The following TBC1D8B variants were observed in gnomAD, a reference collection of about 807,000 sequenced individuals.
The protein encoded by TBC1D8B is TBC1 domain family member 8B.
TBC1D8B carries 75 observed loss-of-function variants against 82.9 expected under a neutral mutation model. The ratio of observed to expected loss-of-function variants is 0.90; its 90% confidence interval spans 0.75 to 1.10. The LOEUF (loss-of-function observed/expected upper bound fraction) is 1.10. Among genes scored for constraint, TBC1D8B ranks in the 50% least tolerant of loss-of-function variants. The probability of loss-of-function intolerance (pLI) is 0.00; values close to 1 mark genes in which losing one functional copy is unlikely to be tolerated. For synonymous variants in TBC1D8B, 276 were observed against 276.8 expected (o/e 1.00, Z 0.03); for missense variants, 794 against 796.9 (o/e 1.00, Z 0.04).
chrX:106,839,303 T>C lies in TBC1D8B; in HGVS notation c.1204-5T>C. ...TCTGGGACAACTACATTCTTTCTTT[T>C]TCAGCTTGCTATTAGTTCTGAGTCT... On this transcript the variant is annotated splice_polypyrimidine_tract_variant and splice_region_variant and intron_variant, in intron 7 of 20. Transcript: ENST00000357242. 1 of 1,135,552 alleles carries C rather than the reference T, an allele frequency of 8.8e-7. No individual in the cohort carries two copies. The highest frequency in any genetic ancestry group is 1.2e-6 in the Non-Finnish European group (1 of 856,821). The allele number at this position is 1,135,552 out of a possible 1,213,427, so 93.6% of individuals were successfully genotyped here.
In TBC1D8B at chrX:106,840,039, T is replaced by C; in HGVS notation, c.1354-9T>C. The C allele has an allele frequency of 8.4e-7, 1 of 1,185,677 alleles. No individual in the cohort carries two copies. Among genetic ancestry groups the C allele is most frequent in the Non-Finnish European group, 1.1e-6 (1 of 884,387 alleles). ...AAATTTAGTTGTTTTGATTTTTCTG[T>C]CATTACAGTTGAAAGAAAAAATGAA... is the stretch of plus-strand genomic sequence containing the variant. On this transcript the variant is annotated splice_polypyrimidine_tract_variant and intron_variant, in intron 8 of 20. Coordinates refer to ENST00000357242, the MANE Select transcript of TBC1D8B (RefSeq NM_017752.3).
At chrX:106,872,455 TTATA>T (rs61326496) in intron 20 of TBC1D8B, among the ~76,000 whole-genome samples, 9,858 of 72,847 alleles carry the variant, frequency 0.14, 636 homozygotes, top group Middle Eastern at 0.17. Flanking sequence ...AGAAAAATAT[TTATA>T]TATATATATA....
Position 106,802,939 on chromosome X carries a change from A to C in TBC1D8B, c.86A>C (p.Gln29Pro), listed in dbSNP as rs1412885190. Residue 29 changes from glutamine (Q) to proline (P), a missense_variant, in exon 1 of 21, where the codon CAG becomes CCG. By Grantham distance (76) the Gln-to-Pro change is moderately conservative (BLOSUM62 -1). Coordinates refer to ENST00000357242, the MANE Select transcript of TBC1D8B (RefSeq NM_017752.3). ...MERSNDYFVL[Q>P]RRRGYGEEGG... The stretch of plus-strand genomic sequence containing the variant: ...AGGTCCAACGACTACTTCGTGCTGC[A>C]GCGGCGTCGGGGCTACGGGGAGGAA... The C allele has an allele frequency of 8.3e-7, 1 of 1,209,052 alleles. No homozygotes were observed. The highest frequency in any genetic ancestry group is 1.1e-6 in the Non-Finnish European group (1 of 894,822).
intron 1 of TBC1D8B, among the ~76,000 whole-genome samples, chrX:106,809,516 G>C (rs1364116929): frequency 2.7e-5 from 3 of 110,613 alleles, no homozygotes; most frequent in African/African-American, 9.9e-5. Context: ...AGTTTTTTCT[G>C]TGAAGGGAAA....
At chrX:106,851,757 T>A (rs1411776242) in intron 12 of TBC1D8B, among the ~76,000 whole-genome samples, 11 of 112,326 alleles carry the variant, frequency 9.8e-5, no homozygotes, top group Non-Finnish European at 1.7e-4. Context: ...TCATTTTTTA[T>A]GGCTGCATAG....
chrX:106,813,087 A>T (rs1220021493), intron 1 of TBC1D8B, among the ~76,000 whole-genome samples: 1 of 111,535 alleles, frequency 9.0e-6, no homozygotes. Context: ...GAAACTCCTG[A>T]CCTCAGGTGA....
At chrX:106,851,718 T>C (rs1932589357) in intron 12 of TBC1D8B, among the ~76,000 whole-genome samples, 1 of 111,625 alleles carries the variant, frequency 9.0e-6, no homozygotes, top group Non-Finnish European at 1.9e-5. Context: ...TCCAGTTTCA[T>C]CCATGTCCCT....
At chrX:106,818,547 G>A in intron 1 of TBC1D8B, 116 bp from the exon 2 acceptor site, 1 of 431,179 alleles carries the variant, frequency 2.3e-6, no homozygotes, top group Admixed American at 4.8e-5. Context: ...TCTCTGTAAG[G>A]ACTCTATGGG....
At chrX:106,833,327 T>C (rs5962368) in intron 7 of TBC1D8B, among the ~76,000 whole-genome samples, 19,726 of 111,090 alleles carry the variant, frequency 0.18, 4,311 homozygotes, top group African/African-American at 0.62. Context: ...TAGATGTGAT[T>C]GGATTTTGCT....
intron 10 of TBC1D8B, among the ~76,000 whole-genome samples, chrX:106,841,300 G>A (rs1053919996): frequency 9.0e-6 from 1 of 111,699 alleles, no homozygotes; most frequent in Admixed American, 9.5e-5. Flanking sequence ...TCATCTGGAG[G>A]AGTCAGAGAA....
At chrX:106,835,214 T>G (rs947416389) in intron 7 of TBC1D8B, among the ~76,000 whole-genome samples, 1 of 112,638 alleles carries the variant, frequency 8.9e-6, no homozygotes, top group Non-Finnish European at 1.9e-5. Context: ...TCTGTGCACC[T>G]GTGACTTCTG....
intron 10 of TBC1D8B, among the ~76,000 whole-genome samples, chrX:106,847,498 G>A (rs1263282258): frequency 9.0e-6 from 1 of 111,445 alleles, no homozygotes; most frequent in Non-Finnish European, 1.9e-5. Flanking sequence ...TATCCATTAA[G>A]GATTTATTAC....
intron 14 of TBC1D8B, among the ~76,000 whole-genome samples, chrX:106,859,499 G>A (rs1275919821): frequency 9.0e-6 from 1 of 111,039 alleles, no homozygotes; most frequent in Non-Finnish European, 1.9e-5. Context: ...TCTTGATTTG[G>A]CTCTCAGCTT....
At chrX:106,869,058 T>C (rs1932831356) in intron 18 of TBC1D8B, among the ~76,000 whole-genome samples, 1 of 111,844 alleles carries the variant, frequency 8.9e-6, no homozygotes, top group Non-Finnish European at 1.9e-5. Flanking sequence ...CTTCCTTTTA[T>C]AGATAAAGGC....
chrX:106,854,349 T>C, intron 14 of TBC1D8B, 53 bp downstream of exon 14: 1 of 807,476 alleles, frequency 1.2e-6, no homozygotes, highest in Non-Finnish European at 1.7e-6. Flanking sequence ...TTTTTTTCTA[T>C]AACTTTCTTT....
intron 3 of TBC1D8B, among the ~76,000 whole-genome samples, chrX:106,821,540 C>T (rs1931691708): frequency 9.0e-6 from 1 of 111,353 alleles, no homozygotes; most frequent in Non-Finnish European, 1.9e-5. Context: ...ATATATGTAC[C>T]TGTATAGATA....
At chrX:106,857,548 G>T (rs747276822) in intron 14 of TBC1D8B, among the ~76,000 whole-genome samples, 5 of 111,168 alleles carry the variant, frequency 4.5e-5, no homozygotes, top group Non-Finnish European at 7.6e-5. Flanking sequence ...GTAGTTTTTT[G>T]ATCTTCACCC....
At chrX:106,870,000 C>A (rs1932837588) in intron 19 of TBC1D8B, among the ~76,000 whole-genome samples, 1 of 111,989 alleles carries the variant, frequency 8.9e-6, no homozygotes, top group African/African-American at 3.2e-5. Flanking sequence ...AGTAGTGTTT[C>A]AAATTTTTGA....
chrX:106,853,234 T>C (rs1295460911), intron 12 of TBC1D8B, among the ~76,000 whole-genome samples: 1 of 111,355 alleles, frequency 9.0e-6, no homozygotes, highest in Non-Finnish European at 1.9e-5. Flanking sequence ...TTGTCTGTTA[T>C]TGGTGTATAA....
Sources: allele counts gnomAD v4.1 joint callset (sites outside exome capture counted in the v4.1 genomes callset), GRCh38; gene constraint gnomAD v4.1.1; transcripts MANE v1.5; gene names NCBI Gene and HGNC (gene_info 2026-07-23, HGNC 2026-07-21).